Variants in HMCN1 observed in about 807,000 individuals in gnomAD.
HMCN1 encodes hemicentin 1.
Under a neutral mutation model 625.9 loss-of-function variants are expected in HMCN1, and 321 were observed. That is an observed-to-expected ratio of 0.51 (90% CI 0.47 to 0.56). The LOEUF is 0.56. HMCN1 is among the 20% of genes least tolerant of loss of function. HMCN1 has a pLI of 0.00. For missense variants in HMCN1, 6,588 were observed against 6,887.3 expected (o/e 0.96, Z 1.54); for synonymous variants, 2,425 against 2,417.6 (o/e 1.00, Z -0.09).
At chr1:186,005,936 G>A (rs1286591929) in intron 29 of HMCN1, among the ~76,000 whole-genome samples, 6 of 152,146 alleles carry the variant, frequency 3.9e-5, no homozygotes, top group African/African-American at 1.2e-4. Flanking sequence ...AAGAGTTCAA[G>A]ACCAGCTTGG....
intron 4 of HMCN1, among the ~76,000 whole-genome samples, chr1:185,909,034 C>T (rs1446367359): frequency 3.3e-5 from 5 of 151,846 alleles, no homozygotes; most frequent in African/African-American, 7.3e-5. Context: ...CTTGAGACAG[C>T]GAACTGTCAA....
rs1657466815 is a variant in HMCN1 at position 185,785,076 on chromosome 1, T to G, written c.268+50029T>G. ...ATATACCATAGCTTGTTTATCTATC[T>G]TCATGTTAATGAACATTTTGACTGC... On this transcript the variant is annotated intron_variant, in intron 1 of 106. Transcript: ENST00000271588. Among the ~76,000 whole-genome samples, 2 of 152,242 alleles carry G rather than the reference T, an allele frequency of 1.3e-5. 1 individual carries two copies. The highest frequency in any genetic ancestry group is 4.1e-4 in the South Asian group (2 of 4,834).
intron 1 of HMCN1, among the ~76,000 whole-genome samples, chr1:185,746,059 A>G (rs766129520): frequency 6.6e-6 from 1 of 152,198 alleles, no homozygotes; most frequent in Non-Finnish European, 1.5e-5. Context: ...GAAGTTGTCA[A>G]CTCTGTGCAT....
chr1:186,102,020 G>A (rs973559036), intron 68 of HMCN1, among the ~76,000 whole-genome samples: 4 of 152,054 alleles, frequency 2.6e-5, no homozygotes, highest in African/African-American at 7.2e-5. Context: ...AAGAAAGGAC[G>A]AAGCTTGTTG....
chr1:186,129,201 T>TA (rs75464991), intron 83 of HMCN1, among the ~76,000 whole-genome samples: 63 of 148,148 alleles, frequency 4.3e-4, no homozygotes, highest in Non-Finnish European at 4.2e-4. Flanking sequence ...GTAAAAGATT[T>TA]AAAAAAAAAA....
chr1:186,082,659 T>C (rs1024623859), intron 56 of HMCN1, among the ~76,000 whole-genome samples: 2 of 152,128 alleles, frequency 1.3e-5, no homozygotes, highest in African/African-American at 2.4e-5. Context: ...CAAATATGTA[T>C]AGAATTACCT....
chr1:185,886,504 T>A (rs913818612), intron 4 of HMCN1, among the ~76,000 whole-genome samples: 5 of 152,060 alleles, frequency 3.3e-5, no homozygotes, highest in South Asian at 4.1e-4. Flanking sequence ...CATCTCTTAC[T>A]TGCACAAACT....
At chr1:186,063,870 A>T (rs1240371424) in intron 48 of HMCN1, among the ~76,000 whole-genome samples, 1 of 152,178 alleles carries the variant, frequency 6.6e-6, no homozygotes, top group Admixed American at 6.6e-5. Context: ...AAATAAACAC[A>T]TCTCTAAGAG....
At chr1:186,007,661 A>G (rs906663075) in intron 30 of HMCN1, among the ~76,000 whole-genome samples, 1 of 152,128 alleles carries the variant, frequency 6.6e-6, no homozygotes, top group Non-Finnish European at 1.5e-5. Flanking sequence ...AGACAATTCA[A>G]TTATTCTATT....
At chr1:186,159,972 AT>A (rs1377409531) in intron 97 of HMCN1, among the ~76,000 whole-genome samples, 3 of 151,338 alleles carry the variant, frequency 2.0e-5, no homozygotes, top group African/African-American at 4.8e-5. Flanking sequence ...TTTTCTATTG[AT>A]TGGAATAGTT....
intron 1 of HMCN1, among the ~76,000 whole-genome samples, chr1:185,845,374 T>A (rs1026530849): frequency 6.6e-6 from 1 of 152,020 alleles, no homozygotes; most frequent in African/African-American, 2.4e-5. Flanking sequence ...TGTGCCACCA[T>A]GCCTGGCTAA....
At chr1:185,878,551 T>C (rs1465802454) in intron 4 of HMCN1, among the ~76,000 whole-genome samples, 4 of 152,172 alleles carry the variant, frequency 2.6e-5, no homozygotes, top group Non-Finnish European at 1.5e-5. Flanking sequence ...GATTTGTGGA[T>C]GTTGAACCAC....
chr1:185,783,847 G>A lies in HMCN1; in HGVS notation c.268+48800G>A, dbSNP rs78493371. ...TTCTCAGATCTCAAACTCCATGCTGGGAGAACCACTGTACCGTCTTCAAAG... is the reference window on the plus strand; with the variant it reads ...TTCTCAGATCTCAAACTCCATGCTGAGAGAACCACTGTACCGTCTTCAAAG... On this transcript the variant is annotated intron_variant, in intron 1 of 106. Coordinates refer to ENST00000271588, the MANE Select transcript of HMCN1 (RefSeq NM_031935.3). 1.1e-4 allele frequency among the ~76,000 whole-genome samples: 17 copies of A among 152,270 alleles called. 1 individual carries two copies. The highest frequency in any genetic ancestry group is 1.9e-4 in the Non-Finnish European group (13 of 68,012).
chr1:185,981,792 T>C (rs895613448), intron 17 of HMCN1, among the ~76,000 whole-genome samples: 3 of 152,166 alleles, frequency 2.0e-5, no homozygotes, highest in African/African-American at 7.2e-5. Flanking sequence ...TCCTTTACCA[T>C]TCCATCTAAG....
chr1:186,093,744 G>T, intron 66 of HMCN1, 75 bp downstream of exon 66: 1 of 1,587,204 alleles, frequency 6.3e-7, no homozygotes, highest in South Asian at 1.1e-5. Flanking sequence ...CATTTAAACA[G>T]TGTTGAAGAA....
At chr1:185,840,085 C>T (rs1288211786) in intron 1 of HMCN1, among the ~76,000 whole-genome samples, 1 of 152,114 alleles carries the variant, frequency 6.6e-6, no homozygotes, top group Admixed American at 6.5e-5. Context: ...ATTAGCTCAG[C>T]TCAAAGTCAG....
chr1:186,117,312 T>A, intron 76 of HMCN1, 147 bp from the exon 77 acceptor site: 1 of 1,160,792 alleles, frequency 8.6e-7, no homozygotes, highest in Non-Finnish European at 1.2e-6. Context: ...ACCCAGGTAT[T>A]AACCCAGAAA....
At chr1:185,756,760 G>A (rs1655157188) in intron 1 of HMCN1, among the ~76,000 whole-genome samples, 1 of 151,920 alleles carries the variant, frequency 6.6e-6, no homozygotes, top group Non-Finnish European at 1.5e-5. Context: ...GTAATCAAAA[G>A]TTTTGCTCCT....
At chr1:185,937,981 A>G (rs1413807564) in intron 11 of HMCN1, among the ~76,000 whole-genome samples, 1 of 150,834 alleles carries the variant, frequency 6.6e-6, no homozygotes, top group Non-Finnish European at 1.5e-5. Context: ...AAAATGCAAT[A>G]TTTTAGTGCA....
Sources: allele counts gnomAD v4.1 joint callset (sites outside exome capture counted in the v4.1 genomes callset), GRCh38; gene constraint gnomAD v4.1.1; transcripts MANE v1.5; gene names NCBI Gene and HGNC (gene_info 2026-07-23, HGNC 2026-07-21).